Variants in FBLN1 observed in about 807,000 individuals in gnomAD.
FBLN1 encodes fibulin 1.
Under a neutral mutation model 89.7 loss-of-function variants are expected in FBLN1, and 34 were observed. The observed-to-expected ratio is 0.38, with a 90% CI of 0.29 to 0.50. FBLN1 has a LOEUF of 0.50. Among genes scored for constraint, FBLN1 ranks in the 20% least tolerant of loss-of-function variants. The pLI is 0.92. For missense variants in FBLN1, 777 were observed against 988.1 expected (o/e 0.79, Z 2.86); for synonymous variants, 393 against 391.3 (o/e 1.00, Z -0.05).
rs369371826 is a variant in FBLN1, at chr22:45,556,793, G to T, written c.1697+6178G>T. Among the ~76,000 whole-genome samples, 19 of 152,256 alleles carry T rather than the reference G, an allele frequency of 1.2e-4. No homozygotes were observed. The highest frequency in any genetic ancestry group is 4.6e-4 in the African/African-American group (19 of 41,560). On this transcript the variant is annotated intron_variant, in intron 14 of 16. Coordinates refer to ENST00000327858, the MANE Select transcript of FBLN1 (RefSeq NM_006486.3). The surrounding 1 kb of genome is among the most constrained non-coding windows in gnomAD (Gnocchi z 4.6). ...TGGAATCCTTGTTCTGTCTCCTGGT[G>T]GCGGCGTTCCTCCCTCTGGAACTAA...
chr22:45,516,685 C>G (rs936240570), intron 1 of FBLN1, among the ~76,000 whole-genome samples: 9 of 152,210 alleles, frequency 5.9e-5, no homozygotes, highest in African/African-American at 2.2e-4. Flanking sequence ...CTGCTGGAAA[C>G]TGTTGGGCTT....
intron 1 of FBLN1, among the ~76,000 whole-genome samples, chr22:45,509,729 G>T (rs1439213233): frequency 6.6e-6 from 1 of 152,068 alleles, no homozygotes; most frequent in Non-Finnish European, 1.5e-5. Context: ...GCAGGTGGGG[G>T]TTGGGTGGAG....
At chr22:45,519,256 A>T (rs758096163) in intron 2 of FBLN1, among the ~76,000 whole-genome samples, 3 of 152,108 alleles carry the variant, frequency 2.0e-5, no homozygotes, top group Admixed American at 1.3e-4. Context: ...ATCTGGATCG[A>T]CCGTTTTTAT....
rs2088672269 is a variant in FBLN1 at position 45,549,343 on chromosome 22, GC to G, written c.1573+600del. Among the ~76,000 whole-genome samples the G allele has an allele frequency of 1.3e-5, 2 of 152,228 alleles. No individual in the cohort carries two copies. The highest frequency in any genetic ancestry group is 2.9e-5 in the Non-Finnish European group (2 of 68,042). On this transcript the variant is annotated intron_variant, in intron 13 of 16. Transcript: ENST00000327858. This position sits in a 1 kb window ranked among gnomAD's most constrained non-coding sequence, Gnocchi z 5.7. The stretch of plus-strand genomic sequence containing the variant: ...CTCAGTGTACACACTGCGCCCAGAA[GC>G]TGAGTCATGGAGGTGGGGCTGTCCA...
chr22:45,525,664 G>A lies in FBLN1; in HGVS notation c.307G>A (p.Ala103Thr), dbSNP rs1398681885. Residue 103 changes from alanine (A) to threonine (T), a missense_variant, in exon 3 of 17, where the codon GCC (alanine) becomes ACC (threonine). By Grantham distance (58) the Ala-to-Thr change is moderately conservative (BLOSUM62 0). Coordinates refer to ENST00000327858, the MANE Select transcript of FBLN1 (RefSeq NM_006486.3). ...CCACGGTGACAACGCCAGCCTGGAG[G>A]CCACATTTGTGAAGGTGAGAGCCAA... ...TPHGDNASLE[A>T]TFVKRCCHCC... 2 of 1,551,366 alleles carry A rather than the reference G, an allele frequency of 1.3e-6. No homozygotes were observed. Among genetic ancestry groups the A allele is most frequent in the Non-Finnish European group, 1.7e-6 (2 of 1,147,050 alleles).
At chr22:45,504,984 A>C (rs1236839814) in intron 1 of FBLN1, among the ~76,000 whole-genome samples, 1 of 152,206 alleles carries the variant, frequency 6.6e-6, no homozygotes, top group African/African-American at 2.4e-5. Context: ...GAAGCCCTGT[A>C]TGTAAGGCCA....
chr22:45,591,398 T>C (rs746966938), intron 16 of FBLN1, among the ~76,000 whole-genome samples: 2 of 147,220 alleles, frequency 1.4e-5, no homozygotes, highest in Non-Finnish European at 2.9e-5. Context: ...CCTTCATATT[T>C]TTCCCCAAGG....
chr22:45,593,156 A>AT (rs969116746), intron 16 of FBLN1, among the ~76,000 whole-genome samples: 6 of 133,476 alleles, frequency 4.5e-5, no homozygotes, highest in African/African-American at 1.7e-4. Flanking sequence ...AGGCAGAGAG[A>AT]CCCCCCCCAC....
rs2089042071 is a variant in FBLN1 at position 45,581,538 on chromosome 22, G to A, written c.1972+4430G>A. Among the ~76,000 whole-genome samples, 1 of 152,302 alleles carries A rather than the reference G, an allele frequency of 6.6e-6. No homozygotes were observed. Among genetic ancestry groups the A allele is most frequent in the Admixed American group, 6.5e-5 (1 of 15,306 alleles). On this transcript the variant is annotated intron_variant, in intron 16 of 16. Coordinates refer to ENST00000327858, the MANE Select transcript of FBLN1 (RefSeq NM_006486.3). The surrounding 1 kb of genome is among the most constrained non-coding windows in gnomAD (Gnocchi z 7.6). ...GTTAAAACCCTGCCAATGCCAACAG[G>A]AGCTACAGAGCCTGCAGGTGAAGTA...
In FBLN1 at chr22:45,557,992, C is replaced by A; in HGVS notation, c.1697+7377C>A. On this transcript the variant is annotated intron_variant, in intron 14 of 16. Transcript: ENST00000327858. The surrounding 1 kb of genome is among the most constrained non-coding windows in gnomAD (Gnocchi z 4.9). ...CTAGAAAGGGGCAGTAGTGCTGCAG[C>A]TGTCCACTTTCGGGTGGTGCCTGCA... 1.4e-6 allele frequency: 1 copy of A among 709,728 alleles called. No homozygotes were observed. The allele number at this position is 709,728 out of a possible 1,614,324, so 44.0% of individuals were successfully genotyped here.
chr22:45,506,062 C>A (rs2088016254), intron 1 of FBLN1, among the ~76,000 whole-genome samples: 1 of 152,258 alleles, frequency 6.6e-6, no homozygotes, highest in African/African-American at 2.4e-5. Flanking sequence ...AGCCACCGTG[C>A]CGGCTGGCAG....
At chr22:45,594,586 G>A (rs2089167155) in intron 16 of FBLN1, among the ~76,000 whole-genome samples, 1 of 151,950 alleles carries the variant, frequency 6.6e-6, no homozygotes, top group Non-Finnish European at 1.5e-5. Flanking sequence ...TAATGGATGG[G>A]TGGGTGGATC....
At position 45,571,913 on chromosome 22, in the gene FBLN1, A is replaced by T. The variant is rs145689441; in HGVS notation, c.1698-2598A>T. Among the ~76,000 whole-genome samples, 1,459 of 152,074 alleles carry T rather than the reference A, an allele frequency of 9.6e-3. 25 individuals carry two copies. Among genetic ancestry groups the T allele is most frequent in the East Asian group, 0.084 (433 of 5,156 alleles). On this transcript the variant is annotated intron_variant, in intron 14 of 16. Coordinates refer to ENST00000327858, the MANE Select transcript of FBLN1 (RefSeq NM_006486.3). ...TGGGAGGCCAAGGCAGGCAGATCAC[A>T]ATGTCAGGAGTTCGAGACTAGCCTG...
intron 1 of FBLN1, among the ~76,000 whole-genome samples, chr22:45,511,745 G>A (rs62225001): frequency 5.9e-5 from 9 of 151,866 alleles, no homozygotes; most frequent in Admixed American, 2.6e-4. Context: ...CACTGCTCCC[G>A]GCCTCTTCCC....
chr22:45,560,185 T>C (rs1480296295), intron 14 of FBLN1, among the ~76,000 whole-genome samples: 1 of 152,248 alleles, frequency 6.6e-6, no homozygotes, highest in East Asian at 1.9e-4. Flanking sequence ...TTGCCTTTGA[T>C]GGTTGAGTGC....
At position 45,583,910 on chromosome 22, in the gene FBLN1, C is replaced by T. The variant is rs1468723550; in HGVS notation, c.1972+6802C>T. 1.3e-5 allele frequency among the ~76,000 whole-genome samples: 2 copies of T among 152,110 alleles called. No individual in the cohort carries two copies. The highest frequency in any genetic ancestry group is 2.1e-4 in the South Asian group (1 of 4,818). On this transcript the variant is annotated intron_variant, in intron 16 of 16. Transcript: ENST00000327858. The surrounding 1 kb of genome is among the most constrained non-coding windows in gnomAD (Gnocchi z 4.5). ...GGAATTCTAACTGGGGGGCTTGGAG[C>T]AGGCAGGAGTTCCCTGAGGTCATGC...
At chr22:45,540,158 C>T (rs1250388369) in intron 8 of FBLN1, among the ~76,000 whole-genome samples, 1 of 152,200 alleles carries the variant, frequency 6.6e-6, no homozygotes, top group African/African-American at 2.4e-5. Context: ...TTTAAGGGAG[C>T]TGGAAAGCAG....
chr22:45,531,399 A>G lies in FBLN1; in HGVS notation c.544+75A>G, dbSNP rs1367693017. On this transcript the variant is annotated intron_variant, in intron 5 of 16. Transcript: ENST00000327858. This position sits in a 1 kb window ranked among gnomAD's most constrained non-coding sequence, Gnocchi z 4.9. ...GGCCAGCAAGGTGGCTCAGGCCTGT[A>G]ATCCTAGTACTTTGGGAAGCCAAGG... 7.6e-7 allele frequency: 1 copy of G among 1,323,286 alleles called. No individual in the cohort carries two copies. The highest frequency in any genetic ancestry group is 1.1e-6 in the Non-Finnish European group (1 of 917,100). 82.0% of individuals were successfully genotyped at this position (1,323,286 alleles called of 1,614,324 possible). A position where few individuals can be genotyped will look rare whatever the true frequency, so the allele number is the denominator to read the frequency against.
Position 45,583,102 on chromosome 22 carries a change from G to T in FBLN1, c.1972+5994G>T, listed in dbSNP as rs2089056221. On this transcript the variant is annotated intron_variant, in intron 16 of 16. Transcript: ENST00000327858. The surrounding 1 kb of genome is among the most constrained non-coding windows in gnomAD (Gnocchi z 4.5). ...AGCCTTGTGGGACAGCCACCCTGGG[G>T]CTGGTATCACCATTTATGTAAGAAA... Among the ~76,000 whole-genome samples, 1 of 152,156 alleles carries T rather than the reference G, an allele frequency of 6.6e-6. No individual in the cohort carries two copies. The highest frequency in any genetic ancestry group is 2.4e-5 in the African/African-American group (1 of 41,420).
Sources: gnomAD v4.1 joint callset for allele counts (sites outside exome capture counted in the v4.1 genomes callset) on GRCh38, gnomAD v4.1.1 for gene constraint, Gnocchi (gnomAD v3.1) non-coding constraint, MANE v1.5 for transcripts, NCBI Gene and HGNC (gene_info 2026-07-23, HGNC 2026-07-21) for gene names.